HKDC1: variants seen among roughly 807,000 people sequenced by gnomAD.
The protein encoded by HKDC1 is hexokinase domain containing 1.
In HKDC1, 66 loss-of-function variants were observed where a neutral mutation model predicts 96.6. The observed-to-expected ratio is 0.68, with a 90% CI of 0.56 to 0.84. The LOEUF (loss-of-function observed/expected upper bound fraction) is 0.84, where lower values mean the gene tolerates loss of function less well. HKDC1 is among the 40% of genes least tolerant of loss of function. The pLI, the probability that HKDC1 is intolerant of heterozygous loss-of-function variation, is 0.00. For synonymous variants in HKDC1, 466 were observed against 473.1 expected, an observed-to-expected ratio of 0.98 and a Z score of 0.20; for missense variants, 1,211 against 1,208.1, an observed-to-expected ratio of 1.00 and a Z score of -0.04.
At chr10:69,240,192 T>G (rs72814223) in intron 5 of HKDC1, among the ~76,000 whole-genome samples, 17,152 of 152,190 alleles carry the variant, frequency 0.11, 1,161 homozygotes, top group Middle Eastern at 0.18. Flanking sequence ...GTGCCTGTAG[T>G]CTCAGCTACT....
intron 12 of HKDC1, among the ~76,000 whole-genome samples, chr10:69,252,607 T>G (rs1386624210): frequency 3.5e-5 from 5 of 143,568 alleles, no homozygotes; most frequent in Non-Finnish European, 7.5e-5. Context: ...ATCGTGCCAC[T>G]GCACTCCAGC....
At chr10:69,255,123 C>T (rs1388303920) in intron 12 of HKDC1, among the ~76,000 whole-genome samples, 1 of 152,248 alleles carries the variant, frequency 6.6e-6, no homozygotes, top group Non-Finnish European at 1.5e-5. Flanking sequence ...GACACTGGGC[C>T]TTTGGGCCTC....
chr10:69,250,663 C>T lies in HKDC1; in HGVS notation c.1836+11C>T. ...ATGAGCATTGACAAGGTAAGATAGCCCCACCAGGCTCACGGCCAGCCCAGT... is the reference window on the plus strand; with the variant it reads ...ATGAGCATTGACAAGGTAAGATAGCTCCACCAGGCTCACGGCCAGCCCAGT... On this transcript the variant is annotated intron_variant, in intron 12 of 17. Transcript: ENST00000354624. 1 of 1,612,952 alleles carries T rather than the reference C, an allele frequency of 6.2e-7. No individual in the cohort carries two copies. Among genetic ancestry groups the T allele is most frequent in the Non-Finnish European group, 8.5e-7 (1 of 1,179,960 alleles).
At chr10:69,234,584 T>C (rs771160099) in intron 4 of HKDC1, among the ~76,000 whole-genome samples, 1 of 152,252 alleles carries the variant, frequency 6.6e-6, no homozygotes, top group African/African-American at 2.4e-5. Context: ...GCAGGGATAA[T>C]AACATCTGCT....
chr10:69,248,281 C>G lies in HKDC1; in HGVS notation c.1266-143C>G, dbSNP rs549023156. On this transcript the variant is annotated intron_variant, in intron 9 of 17. Transcript: ENST00000354624. ...TCTTAGTCCCTCCCTCCTCTCATCCCCTCCCCTCCCTACCATCAGCAAATA... is the reference window on the plus strand; with the variant it reads ...TCTTAGTCCCTCCCTCCTCTCATCCGCTCCCCTCCCTACCATCAGCAAATA... 4.5e-4 allele frequency: 363 copies of G among 813,320 alleles called. 1 individual carries two copies. The highest frequency in any genetic ancestry group is 6.2e-4 in the Non-Finnish European group (330 of 528,186). 50.4% of individuals were successfully genotyped at this position (813,320 alleles called of 1,614,324 possible). A position where few individuals can be genotyped will look rare whatever the true frequency, so the allele number is the denominator to read the frequency against.
chr10:69,239,325 G>A (rs1311910782), intron 5 of HKDC1, among the ~76,000 whole-genome samples, 188 bp downstream of exon 5: 1 of 152,236 alleles, frequency 6.6e-6, no homozygotes, highest in African/African-American at 2.4e-5. Flanking sequence ...AACCCACAGA[G>A]CCTTGGTAGG....
intron 13 of HKDC1, 40 bp downstream of exon 13, chr10:69,257,171 C>A: frequency 1.3e-6 from 2 of 1,564,612 alleles, no homozygotes; most frequent in Non-Finnish European, 1.8e-6. Context: ...CTCTTGCTGC[C>A]TTCCCCAGGC....
intron 4 of HKDC1, among the ~76,000 whole-genome samples, chr10:69,237,183 G>A (rs894165843): frequency 6.6e-6 from 1 of 151,928 alleles, no homozygotes; most frequent in African/African-American, 2.4e-5. Context: ...TTAACCCATA[G>A]CCAACATCAT....
intron 12 of HKDC1, among the ~76,000 whole-genome samples, chr10:69,251,372 A>G (rs372626624): frequency 2.0e-5 from 3 of 152,268 alleles, no homozygotes; most frequent in East Asian, 3.9e-4. Context: ...CTAGGATTAC[A>G]GGTGTGAGCC....
At chr10:69,246,599 T>C (rs1021405847) in intron 8 of HKDC1, among the ~76,000 whole-genome samples, 3 of 152,228 alleles carry the variant, frequency 2.0e-5, no homozygotes, top group African/African-American at 7.2e-5. Flanking sequence ...TTGCTTACAA[T>C]ATCAGGGCAT....
At chr10:69,264,089 C>A (rs1484281428) in intron 16 of HKDC1, among the ~76,000 whole-genome samples, 2 of 151,968 alleles carry the variant, frequency 1.3e-5, no homozygotes, top group South Asian at 4.1e-4. Context: ...ACCCAGGAAG[C>A]GGGTGAGCCG....
chr10:69,261,465 A>G, intron 16 of HKDC1, 171 bp downstream of exon 16: 1 of 603,308 alleles, frequency 1.7e-6, no homozygotes, highest in East Asian at 2.8e-5. Context: ...CGCTTTCAAC[A>G]ATAATAAACT....
chr10:69,220,432 GA>G lies in HKDC1; in HGVS notation c.1del. ...CATCTCAGGAGAAACCAAACTTGGGGAAAATGTTTGCGGTCCACTTGATGGC... is the reference window on the plus strand; with the variant it reads ...CATCTCAGGAGAAACCAAACTTGGGGAAATGTTTGCGGTCCACTTGATGGC... On this transcript the variant is annotated 5_prime_UTR_variant, in exon 1 of 18. Coordinates refer to ENST00000354624, the MANE Select transcript of HKDC1 (RefSeq NM_025130.4). 4 of 1,598,844 alleles carry G rather than the reference GA, an allele frequency of 2.5e-6. No homozygotes were observed. Among genetic ancestry groups the G allele is most frequent in the South Asian group, 2.3e-5 (2 of 88,478 alleles).
At chr10:69,248,834 T>C in intron 10 of HKDC1, 106 bp downstream of exon 10, 1 of 1,011,008 alleles carries the variant, frequency 9.9e-7, no homozygotes, top group Non-Finnish European at 1.4e-6. Context: ...TTCACGTCTC[T>C]AATGGAGGGC....
chr10:69,244,499 C>A (rs949645923), intron 7 of HKDC1, among the ~76,000 whole-genome samples: 1 of 152,150 alleles, frequency 6.6e-6, no homozygotes, highest in African/African-American at 2.4e-5. Flanking sequence ...ATCATCTTCA[C>A]CCATTTCCAT....
intron 16 of HKDC1, among the ~76,000 whole-genome samples, chr10:69,264,496 C>T (rs911055055): frequency 3.3e-5 from 5 of 151,880 alleles, no homozygotes; most frequent in African/African-American, 4.8e-5. Context: ...GCCTCAGCCT[C>T]CAAATAGGGA....
At chr10:69,248,949 G>A (rs7918950) in intron 10 of HKDC1, 392,008 of 541,092 alleles carry the variant, frequency 0.72, 143,992 homozygotes, top group East Asian at 0.96. Flanking sequence ...AACACAAAAA[G>A]CCTACATTAG....
At chr10:69,233,910 A>AAAAAAAAAAAAAAG (rs71035079) in intron 4 of HKDC1, among the ~76,000 whole-genome samples, 2 of 142,854 alleles carry the variant, frequency 1.4e-5, no homozygotes, top group African/African-American at 2.6e-5. Flanking sequence ...AAAAAAAAAA[A>AAAAAAAAAAAAAAG]GGAATGGGGG....
intron 12 of HKDC1, among the ~76,000 whole-genome samples, chr10:69,256,129 T>C (rs1397989486): frequency 6.6e-6 from 1 of 152,204 alleles, no homozygotes; most frequent in African/African-American, 2.4e-5. Context: ...TATGTGTGTA[T>C]GAGTGTAATT....
Sources: gnomAD v4.1 joint callset for allele counts (sites outside exome capture counted in the v4.1 genomes callset) on GRCh38, gnomAD v4.1.1 for gene constraint, MANE v1.5 for transcripts, NCBI Gene and HGNC (gene_info 2026-07-23, HGNC 2026-07-21) for gene names.